Variants in PCK2 observed in about 807,000 individuals in gnomAD.
The protein encoded by PCK2 is phosphoenolpyruvate carboxykinase [GTP], mitochondrial.
In PCK2, 56 loss-of-function variants were observed where a neutral mutation model predicts 65.9. The ratio of observed to expected loss-of-function variants is 0.85; its 90% CI spans 0.69 to 1.06. The LOEUF (loss-of-function observed/expected upper bound fraction) is 1.06. Among genes scored for constraint, PCK2 ranks in the 50% least tolerant of loss-of-function variants. The pLI, the probability that PCK2 is intolerant of heterozygous loss-of-function variation, is 0.00. For missense variants in PCK2, 843 were observed against 863.1 expected (o/e 0.98, Z 0.29); for synonymous variants, 305 against 319.6 (o/e 0.95, Z 0.49).
At chr14:24,102,689 T>C (rs1005789046) in intron 7 of PCK2, 64 bp from the exon 8 acceptor site, 64 of 1,375,002 alleles carry the variant, frequency 4.7e-5, no homozygotes, top group Non-Finnish European at 6.2e-5. Flanking sequence ...TGTGTGCCCA[T>C]GTATGTGTGT....
intron 7 of PCK2, among the ~76,000 whole-genome samples, chr14:24,101,185 TC>T (rs1477781412): frequency 6.6e-6 from 1 of 152,208 alleles, no homozygotes; most frequent in Non-Finnish European, 1.5e-5. Flanking sequence ...ACAGGCTAGT[TC>T]CCCAACCCTT....
At chr14:24,099,000 C>T (rs1364381917) in intron 4 of PCK2, 49 bp from the exon 5 acceptor site, 5 of 1,453,202 alleles carry the variant, frequency 3.4e-6, no homozygotes, top group Non-Finnish European at 4.8e-6. Context: ...CCCCGACACC[C>T]CAGTTCCTGA....
chr14:24,099,798 A>T, intron 6 of PCK2, 78 bp downstream of exon 6: 1 of 1,521,386 alleles, frequency 6.6e-7, no homozygotes, highest in Non-Finnish European at 9.1e-7. Context: ...GTTCACAATG[A>T]CTTTGTCAGT....
Position 24,097,183 on chromosome 14 carries a change from A to G in PCK2, c.275+46A>G, listed in dbSNP as rs1472856363. ...CCTGCAGGATAGGTGCACTGAGGCCACTTTGGGTTCACCAAGGCAAAATCA... is the reference window on the plus strand; with the variant it reads ...CCTGCAGGATAGGTGCACTGAGGCCGCTTTGGGTTCACCAAGGCAAAATCA... On this transcript the variant is annotated intron_variant, in intron 2 of 9. Transcript: ENST00000216780. 5 of 1,592,146 alleles carry G rather than the reference A, an allele frequency of 3.1e-6. No individual in the cohort carries two copies. In the South Asian group the frequency reaches 4.5e-5, roughly 14 times the overall value.
intron 8 of PCK2, 73 bp from the exon 9 acceptor site, chr14:24,103,087 A>T: frequency 1.5e-6 from 2 of 1,305,088 alleles, no homozygotes; most frequent in Non-Finnish European, 2.2e-6. Context: ...AGTACCAGTC[A>T]AGCTCACCAG....
chr14:24,098,203 C>T lies in PCK2; in HGVS notation c.276C>T (p.Cys92=), dbSNP rs938522560. The T allele has an allele frequency of 1.9e-6, 3 of 1,591,750 alleles. No individual in the cohort carries two copies. The highest frequency in any genetic ancestry group is 2.6e-6 in the Non-Finnish European group (3 of 1,165,236). The stretch of plus-strand genomic sequence containing the variant: ...TTCCTGACAATCCCCTCTCCCCCAG[C>T]TGGCTGGCCCGCACAGACCCCAAGG... ...LIRKLPKYNN[C]WLARTDPKDV... is the part of the protein sequence containing the mutation. The change falls in exon 3 of 10, where the codon TGC becomes TGT. Residue 92 remains cysteine, a splice_region_variant and synonymous_variant. Coordinates refer to ENST00000216780, the MANE Select transcript of PCK2 (RefSeq NM_004563.4).
chr14:24,103,453 G>T, intron 9 of PCK2, 57 bp from the exon 10 acceptor site: 1 of 1,401,390 alleles, frequency 7.1e-7, no homozygotes, highest in South Asian at 1.3e-5. Flanking sequence ...GATGCAGGGT[G>T]CCCTTCCCTA....
At position 24,103,703 on chromosome 14, in the gene PCK2, G is replaced by A. The variant is rs1444507984; in HGVS notation, c.1662G>A (p.Val554=). 6.2e-7 allele frequency: 1 copy of A among 1,614,192 alleles called. No homozygotes were observed. Among genetic ancestry groups the A allele is most frequent in the South Asian group, 1.1e-5 (1 of 91,088 alleles). The change falls in exon 10 of 10, where the codon GTG becomes GTA. Residue 554 remains valine (V), a synonymous_variant. Coordinates refer to ENST00000216780, the MANE Select transcript of PCK2 (RefSeq NM_004563.4). ...LWPGFGENAR[V]LDWICRRLEG... is the part of the protein sequence containing the mutation. ...CAGGCTTTGGGGAGAATGCTCGGGT[G>A]CTAGACTGGATCTGCCGGCGGTTAG...
intron 1 of PCK2, among the ~76,000 whole-genome samples, chr14:24,095,903 AC>A (rs762088827): frequency 4.6e-5 from 7 of 152,174 alleles, no homozygotes; most frequent in Non-Finnish European, 8.8e-5. Context: ...CCCGAGGGCA[AC>A]ATTTTATGCA....
intron 2 of PCK2, 90 bp from the exon 3 acceptor site, chr14:24,098,113 C>T: frequency 9.6e-7 from 1 of 1,046,648 alleles, no homozygotes; most frequent in Non-Finnish European, 1.4e-6. Flanking sequence ...CAACAGAAGA[C>T]CTGGAGTCAA....
At chr14:24,101,134 C>T (rs1326428842) in intron 7 of PCK2, among the ~76,000 whole-genome samples, 1 of 152,204 alleles carries the variant, frequency 6.6e-6, no homozygotes, top group Non-Finnish European at 1.5e-5. Context: ...CCTCAGCCTT[C>T]CCACCCAACT....
At chr14:24,101,563 T>C (rs910005844) in intron 7 of PCK2, among the ~76,000 whole-genome samples, 3 of 152,204 alleles carry the variant, frequency 2.0e-5, no homozygotes, top group African/African-American at 7.2e-5. Context: ...TCTCTATTTT[T>C]CCAGCCCTAT....
chr14:24,097,734 C>G (rs2036957959), intron 2 of PCK2, among the ~76,000 whole-genome samples: 1 of 151,862 alleles, frequency 6.6e-6, no homozygotes, highest in Non-Finnish European at 1.5e-5. Context: ...GCTGGGATTA[C>G]AAGCATGCGC....
In PCK2 at chr14:24,100,148, G is replaced by A. The variant is rs2037101220; in HGVS notation, c.1169G>A (p.Gly390Asp). 1 of 1,613,846 alleles carries A rather than the reference G, an allele frequency of 6.2e-7. No homozygotes were observed. Among genetic ancestry groups the A allele is most frequent in the Non-Finnish European group, 8.5e-7 (1 of 1,179,824 alleles). The change falls in exon 7 of 10, where the codon GGC becomes GAC. Residue 390 changes from glycine to aspartate, a missense_variant. Physicochemically the swap from Gly to Asp is moderately conservative, Grantham distance 94. Coordinates refer to ENST00000216780, the MANE Select transcript of PCK2 (RefSeq NM_004563.4). ...ETSDGGVYWE[G>D]IDQPLPPGVT... ...AGTGATGGTGGCGTGTACTGGGAGG[G>A]CATTGACCAGCCTCTTCCACCTGGT...
At position 24,098,395 on chromosome 14, in the gene PCK2, G is replaced by C. The variant is rs1184211907; in HGVS notation, c.460+8G>C. On this transcript the variant is annotated splice_region_variant and intron_variant, in intron 3 of 9. Transcript: ENST00000216780. ...TTCCAGGCTGCATGCAGGGTAACCA[G>C]GGCAGGGGCACAGTGGCAAGGGCAC... is the stretch of plus-strand genomic sequence containing the variant. The C allele has an allele frequency of 7.4e-6, 12 of 1,611,860 alleles. No individual in the cohort carries two copies. The highest frequency in any genetic ancestry group is 3.3e-5 in the Admixed American group (2 of 59,990).
At position 24,094,899 on chromosome 14, in the gene PCK2, T is replaced by A; in HGVS notation, c.29+465T>A. The A allele has an allele frequency of 8.2e-7, 1 of 1,223,016 alleles. No individual in the cohort carries two copies. The highest frequency in any genetic ancestry group is 1.5e-5 in the African/African-American group (1 of 64,578). 75.8% of individuals were successfully genotyped at this position (1,223,016 alleles called of 1,614,324 possible). A position where few individuals can be genotyped will look rare whatever the true frequency, so the allele number is the denominator to read the frequency against. On this transcript the variant is annotated intron_variant, in intron 1 of 9. Coordinates refer to ENST00000216780, the MANE Select transcript of PCK2 (RefSeq NM_004563.4). The surrounding 1 kb of genome is among the most constrained non-coding windows in gnomAD (Gnocchi z 4.1). ...GAGCCCCCTAAAGAAGGTGGAAGGT[T>A]AAATATCCATTCCCGGCCTCTCCCG...
At position 24,097,041 on chromosome 14, in the gene PCK2, T is replaced by C. The variant is rs1479436552; in HGVS notation, c.179T>C (p.Ile60Thr). The C allele has an allele frequency of 2.5e-6, 4 of 1,613,320 alleles. No individual in the cohort carries two copies. In the East Asian group the frequency reaches 6.7e-5, roughly 27 times the overall value. Residue 60 changes from isoleucine (I) to threonine (T), a missense_variant, in exon 2 of 10, where the codon ATC (isoleucine) becomes ACC (threonine). Physicochemically the swap from Ile to Thr is moderately conservative, Grantham distance 89. Transcript: ENST00000216780. ...GCCCGCCTGTGCCAACCAGAGGGCA[T>C]CCACATCTGTGATGGAACTGAGGCT... ...HSARLCQPEG[I>T]HICDGTEAEN...
intron 1 of PCK2, among the ~76,000 whole-genome samples, chr14:24,096,325 A>G (rs1200753234): frequency 8.3e-6 from 1 of 121,054 alleles, no homozygotes; most frequent in African/African-American, 3.2e-5. Flanking sequence ...TGCAACCTCC[A>G]CCTCCCGGGT....
In PCK2 at chr14:24,099,472, A is replaced by T. The variant is rs1210368526; in HGVS notation, c.853-86A>T. 4 of 1,299,024 alleles carry T rather than the reference A, an allele frequency of 3.1e-6. No homozygotes were observed. The Admixed American group carries it at 8.8e-5, about 29-fold the overall frequency. 80.5% of individuals were successfully genotyped at this position (1,299,024 alleles called of 1,614,324 possible). Reference sequence around the variant, plus strand: ...TAGTTAATAAACATTGGTCCTCCCTATTAGACCCTAGCTGCCCTTCCCCAT... The same window carrying T: ...TAGTTAATAAACATTGGTCCTCCCTTTTAGACCCTAGCTGCCCTTCCCCAT... On this transcript the variant is annotated intron_variant, in intron 5 of 9. Transcript: ENST00000216780.
Sources: gnomAD v4.1 joint callset for allele counts (sites outside exome capture counted in the v4.1 genomes callset) on GRCh38, gnomAD v4.1.1 for gene constraint, Gnocchi (gnomAD v3.1) non-coding constraint, MANE v1.5 for transcripts, NCBI Gene and HGNC (gene_info 2026-07-23, HGNC 2026-07-21) for gene names.